GLI3: variants seen among roughly 807,000 people sequenced by gnomAD.
The protein encoded by GLI3 is transcription activator GLI3.
GLI3 carries 20 observed loss-of-function variants against 100.8 expected under a neutral mutation model. The ratio of observed to expected loss-of-function variants is 0.20; its 90% confidence interval spans 0.14 to 0.29. The LOEUF is 0.29. GLI3 is among the 10% of genes least tolerant of loss of function. The pLI is 1.00. For synonymous variants in GLI3, 938 were observed against 860.5 expected, an observed-to-expected ratio of 1.09 and a Z score of -1.58; for missense variants, 2,040 against 2,128.5, an observed-to-expected ratio of 0.96 and a Z score of 0.82.
rs765636197 is a variant in GLI3 at position 42,045,523 on chromosome 7, A to T, written c.687T>A (p.His229Gln). The T allele has an allele frequency of 3.7e-6, 6 of 1,613,898 alleles. No individual in the cohort carries two copies. The highest frequency in any genetic ancestry group is 4.5e-5 in the East Asian group (2 of 44,882). The change falls in exon 6 of 15, where the codon CAT (histidine) becomes CAA (glutamine). Residue 229 changes from histidine (H) to glutamine (Q), a missense_variant. This residue lies in a region of GLI3 where 603 missense variants were observed against 690.9 expected (regional missense o/e 0.87). Coordinates refer to ENST00000395925, the MANE Select transcript of GLI3 (RefSeq NM_000168.6). ...TRGLSPTDAP[H>Q]AGVSPAEYYH... ...AGTATTCTGCTGGGCTGACTCCTGC[A>T]TGGGGCGCTAGGAGGAGACAAGAGA...
intron 2 of GLI3, among the ~76,000 whole-genome samples, chr7:42,164,834 A>AAATAAATG (rs1355510712): frequency 1.1e-4 from 16 of 150,808 alleles, no homozygotes; most frequent in African/African-American, 3.9e-4. Flanking sequence ...TGTGTCAAAT[A>AAATAAATG]AATAAATAAA....
chr7:42,112,321 T>C (rs1193162146), intron 3 of GLI3, among the ~76,000 whole-genome samples: 3 of 152,096 alleles, frequency 2.0e-5, no homozygotes, highest in Non-Finnish European at 4.4e-5. Flanking sequence ...CTACTTAGCT[T>C]TATTTGGTTA....
intron 10 of GLI3, among the ~76,000 whole-genome samples, chr7:41,995,471 G>T (rs1298438883): frequency 6.6e-6 from 1 of 152,048 alleles, no homozygotes; most frequent in Non-Finnish European, 1.5e-5. Flanking sequence ...CCACAGGAGG[G>T]TTTTCCTGAT....
intron 4 of GLI3, among the ~76,000 whole-genome samples, chr7:42,065,131 A>G (rs1174277547): frequency 6.6e-6 from 1 of 151,460 alleles, no homozygotes; most frequent in African/African-American, 2.4e-5. Flanking sequence ...ATCATTCCTG[A>G]CAAACTTTTT....
chr7:42,187,391 G>C (rs1310187940), intron 2 of GLI3, among the ~76,000 whole-genome samples: 1 of 152,084 alleles, frequency 6.6e-6, no homozygotes, highest in Non-Finnish European at 1.5e-5. Context: ...TCAAGAATAA[G>C]TTTATCAAGT....
chr7:42,169,565 A>T (rs555858215), intron 2 of GLI3, among the ~76,000 whole-genome samples: 1 of 152,348 alleles, frequency 6.6e-6, no homozygotes, highest in East Asian at 1.9e-4. Context: ...ATGGAGGACA[A>T]GTCTTAAATG....
intron 2 of GLI3, among the ~76,000 whole-genome samples, chr7:42,194,171 A>T (rs117429011): frequency 6.6e-6 from 1 of 152,178 alleles, no homozygotes; most frequent in Non-Finnish European, 1.5e-5. Flanking sequence ...TTCAGCTCAC[A>T]CCAACTCTAT....
intron 13 of GLI3, among the ~76,000 whole-genome samples, chr7:41,968,318 A>C (rs2128707485): frequency 6.6e-6 from 1 of 152,292 alleles, no homozygotes; most frequent in South Asian, 2.1e-4. Flanking sequence ...CATTTATTTC[A>C]GGGATTGTTG....
intron 2 of GLI3, among the ~76,000 whole-genome samples, chr7:42,188,402 T>C (rs1394441185): frequency 1.3e-5 from 2 of 152,312 alleles, no homozygotes; most frequent in East Asian, 3.9e-4. Flanking sequence ...GAATATGTAT[T>C]AAACCCTTAA....
intron 3 of GLI3, among the ~76,000 whole-genome samples, chr7:42,124,221 C>A (rs1228068351): frequency 6.6e-6 from 1 of 152,236 alleles, no homozygotes; most frequent in Non-Finnish European, 1.5e-5. Flanking sequence ...AAGCCAAACA[C>A]ATGCTTATCT....
At chr7:42,214,000 A>C (rs1788322336) in intron 2 of GLI3, among the ~76,000 whole-genome samples, 1 of 152,236 alleles carries the variant, frequency 6.6e-6, no homozygotes, top group Non-Finnish European at 1.5e-5. Context: ...GCATGCTTTA[A>C]ATGATAGAAC....
At chr7:42,128,025 A>C (rs1305466087) in intron 3 of GLI3, among the ~76,000 whole-genome samples, 1 of 150,144 alleles carries the variant, frequency 6.7e-6, no homozygotes, top group African/African-American at 2.5e-5. Context: ...ACTCAAAAAA[A>C]AAAAAAAGAA....
intron 10 of GLI3, among the ~76,000 whole-genome samples, chr7:42,017,332 G>C (rs1238721270): frequency 1.3e-5 from 2 of 152,196 alleles, no homozygotes; most frequent in Non-Finnish European, 2.9e-5. Context: ...ATGTTCCCCA[G>C]ATGTCAGAAA....
At chr7:42,246,794 G>A (rs1260269839) in intron 1 of GLI3, among the ~76,000 whole-genome samples, 2 of 129,514 alleles carry the variant, frequency 1.5e-5, no homozygotes, top group African/African-American at 3.1e-5. Context: ...AGGCTCATTG[G>A]ATGATAGAAT....
intron 2 of GLI3, among the ~76,000 whole-genome samples, chr7:42,178,846 T>A (rs1787534174): frequency 6.6e-6 from 1 of 151,930 alleles, no homozygotes; most frequent in East Asian, 1.9e-4. Context: ...CAGAGCAAGG[T>A]GATCTGGGTG....
intron 2 of GLI3, among the ~76,000 whole-genome samples, chr7:42,214,616 T>C (rs1478216361): frequency 6.9e-6 from 1 of 145,340 alleles, no homozygotes; most frequent in African/African-American, 2.5e-5. Flanking sequence ...GTCCAATCTA[T>C]ATAAGTAAAG....
At chr7:42,005,458 T>TACACACACACACACAC (rs3030321) in intron 10 of GLI3, among the ~76,000 whole-genome samples, 134 of 143,612 alleles carry the variant, frequency 9.3e-4, no homozygotes, top group Middle Eastern at 3.4e-3. Context: ...TGAATTCACA[T>TACACACACACACACAC]ACACACACAC....
chr7:41,994,224 A>C (rs1374770564), intron 10 of GLI3, among the ~76,000 whole-genome samples: 3 of 152,176 alleles, frequency 2.0e-5, no homozygotes, highest in Admixed American at 6.5e-5. Flanking sequence ...ACTCTATCTC[A>C]CTGGAATTTG....
intron 3 of GLI3, among the ~76,000 whole-genome samples, chr7:42,137,870 T>A (rs12668912): frequency 6.6e-6 from 1 of 152,038 alleles, no homozygotes; most frequent in Non-Finnish European, 1.5e-5. Context: ...AAAAGGTATA[T>A]ATAAAACATA....
Sources: gnomAD v4.1 joint callset for allele counts (sites outside exome capture counted in the v4.1 genomes callset) on GRCh38, gnomAD v4.1.1 for gene constraint, gnomAD v4.1.1 regional missense constraint, MANE v1.5 for transcripts, NCBI Gene and HGNC (gene_info 2026-07-23, HGNC 2026-07-21) for gene names.